The following E2F8 variants were observed in gnomAD, a reference collection of about 807,000 sequenced individuals.
The protein encoded by E2F8 is E2F transcription factor 8.
In E2F8, 35 loss-of-function variants were observed where a neutral mutation model predicts 80.8. The ratio of observed to expected loss-of-function variants is 0.43; its 90% CI spans 0.33 to 0.57. The LOEUF is 0.57. Ranked by LOEUF, E2F8 falls within the 20% of genes least tolerant of loss-of-function variation. The pLI, the probability that E2F8 is intolerant of heterozygous loss-of-function variation, is 0.04. For synonymous variants in E2F8, 386 were observed against 395.0 expected (o/e 0.98, Z 0.27); for missense variants, 975 against 1,056.2 (o/e 0.92, Z 1.07).
intron 11 of E2F8, 52 bp from the exon 12 acceptor site, chr11:19,225,667 A>T: frequency 6.2e-7 from 1 of 1,609,726 alleles, no homozygotes; most frequent in Non-Finnish European, 8.5e-7. Flanking sequence ...TTATCCAAGA[A>T]GTTGACAAGG....
chr11:19,230,112 G>A, intron 9 of E2F8, 124 bp from the exon 10 acceptor site: 1 of 1,485,930 alleles, frequency 6.7e-7, no homozygotes, highest in South Asian at 1.2e-5. Context: ...TGTAATGAGT[G>A]AGTATGAGAT....
At position 19,229,312 on chromosome 11, in the gene E2F8, G is replaced by C; in HGVS notation, c.1893+142C>G. 1 of 1,121,360 alleles carries C rather than the reference G, an allele frequency of 8.9e-7. No individual in the cohort carries two copies. The highest frequency in any genetic ancestry group is 1.6e-5 in the South Asian group (1 of 63,416). The allele number at this position is 1,121,360 out of a possible 1,614,324, so 69.5% of individuals were successfully genotyped here. On this transcript the variant is annotated intron_variant, in intron 10 of 12. Coordinates refer to ENST00000250024, the MANE Select transcript of E2F8 (RefSeq NM_024680.4). This position sits in a 1 kb window ranked among gnomAD's most constrained non-coding sequence, Gnocchi z 4.3. ...CCAGCCAGGGGATTAGCTGTTGAGG[G>C]CCTCACTTGGATTATGGGATGCTAA... is the stretch of plus-strand genomic sequence containing the variant.
chr11:19,226,016 C>T (rs1413696837), intron 10 of E2F8, 152 bp from the exon 11 acceptor site: 8 of 811,380 alleles, frequency 9.9e-6, no homozygotes, highest in Admixed American at 2.5e-5. Context: ...TCACCTGGCT[C>T]CTAGAGGAGA....
In E2F8 at chr11:19,234,304, T is replaced by G. The variant is rs1851457170; in HGVS notation, c.928+56A>C. 1.1e-5 allele frequency: 18 copies of G among 1,586,708 alleles called. No individual in the cohort carries two copies. In the South Asian group the frequency reaches 2.1e-4, roughly 18 times the overall value. On this transcript the variant is annotated intron_variant, in intron 6 of 12. Transcript: ENST00000250024. ...CCTAATTTGGAAATGAGTTTACGAC[T>G]GAGATTTTATTGTTTAAGAATAGGT...
At chr11:19,230,924 C>T (rs1462052696) in intron 7 of E2F8, 90 bp from the exon 8 acceptor site, 13 of 1,219,364 alleles carry the variant, frequency 1.1e-5, no homozygotes, top group Non-Finnish European at 1.4e-5. Context: ...ATAAAAGTGG[C>T]AAGTTACAGA....
At chr11:19,237,726 T>C (rs1377876860) in intron 3 of E2F8, 128 bp downstream of exon 3, 2 of 1,273,752 alleles carry the variant, frequency 1.6e-6, no homozygotes, top group East Asian at 4.7e-5. Flanking sequence ...TTTCTGGTGC[T>C]CCGAAGGAAG....
Position 19,225,361 on chromosome 11 carries a change from C to A in E2F8, c.2281G>T (p.Val761Leu), listed in dbSNP as rs367819993. 6 of 1,614,154 alleles carry A rather than the reference C, an allele frequency of 3.7e-6. No individual in the cohort carries two copies. In the South Asian group the frequency reaches 6.6e-5, roughly 18 times the overall value. ...SASPGSGIVP[V>L]SPRIESVNVA... ...TTAACAGACTCTATTCTTGGAGACA[C>A]AGGAACGATTCCAGACCCAGGGCTG... Residue 761 changes from valine to leucine, a missense_variant, in exon 12 of 13, where the codon GTG (valine) becomes TTG (leucine). Transcript: ENST00000250024.
In E2F8 at chr11:19,229,339, G is replaced by T; in HGVS notation, c.1893+115C>A. The T allele has an allele frequency of 7.1e-7, 1 of 1,404,234 alleles. No individual in the cohort carries two copies. The allele number at this position is 1,404,234 out of a possible 1,614,324, so 87.0% of individuals were successfully genotyped here. A position where few individuals can be genotyped will look rare whatever the true frequency, so the allele number is the denominator to read the frequency against. On this transcript the variant is annotated intron_variant, in intron 10 of 12. Coordinates refer to ENST00000250024, the MANE Select transcript of E2F8 (RefSeq NM_024680.4). The surrounding 1 kb of genome is among the most constrained non-coding windows in gnomAD (Gnocchi z 4.3). The stretch of plus-strand genomic sequence containing the variant: ...CTCACTTGGATTATGGGATGCTAAG[G>T]AACAGTTCCTTGTCTTCTGAGAGAA...
At chr11:19,236,368 C>T (rs1338232701) in intron 4 of E2F8, among the ~76,000 whole-genome samples, 1 of 152,234 alleles carries the variant, frequency 6.6e-6, no homozygotes, top group East Asian at 1.9e-4. Context: ...ATGCATGTTA[C>T]CTTCTAGCAT....
rs75246686 is a variant in E2F8, at chr11:19,231,222, C to T, written c.1067-388G>A. Among the ~76,000 whole-genome samples the T allele has an allele frequency of 5.1e-3, 781 of 152,224 alleles. 12 individuals are homozygous for T. The highest frequency in any genetic ancestry group is 0.018 in the African/African-American group (730 of 41,534). The stretch of plus-strand genomic sequence containing the variant: ...TTCCTCAAGAAATGCAGCCCTGTGT[C>T]GGAGATGAGAGCTCTGACCCACACA... On this transcript the variant is annotated intron_variant, in intron 7 of 12. Transcript: ENST00000250024.
In E2F8 at chr11:19,234,564, G is replaced by C. The variant is rs367665741; in HGVS notation, c.767-43C>G. ...GATTAGAGAATTAAAATTCATAAAGGGACAAGTGACTTCTAAAGTAACAAG... is the reference window on the plus strand; with the variant it reads ...GATTAGAGAATTAAAATTCATAAAGCGACAAGTGACTTCTAAAGTAACAAG... On this transcript the variant is annotated intron_variant, in intron 5 of 12. Coordinates refer to ENST00000250024, the MANE Select transcript of E2F8 (RefSeq NM_024680.4). The C allele has an allele frequency of 3.1e-6, 5 of 1,599,796 alleles. No homozygotes were observed. In the African/African-American group the frequency reaches 5.4e-5, roughly 17 times the overall value.
intron 8 of E2F8, 78 bp downstream of exon 8, chr11:19,230,553 G>A: frequency 2.0e-6 from 3 of 1,479,012 alleles, no homozygotes; most frequent in African/African-American, 1.4e-5. Context: ...GACAACTATT[G>A]CAAGGATCAA....
intron 4 of E2F8, among the ~76,000 whole-genome samples, chr11:19,236,132 C>T (rs1190778247): frequency 6.6e-6 from 1 of 152,162 alleles, no homozygotes; most frequent in East Asian, 1.9e-4. Flanking sequence ...TCCTACCGAC[C>T]TCTTGCTGTC....
rs770128838 is a variant in E2F8, at chr11:19,225,279, G to A, written c.2363C>T (p.Pro788Leu). Reference protein sequence around the residue: ...QQGRATNYDSPVPGQSQPNGQ... With the variant: ...QQGRATNYDSLVPGQSQPNGQ... ...ATTTGGCTGGCTCTGGCCTGGGACT[G>A]GTGAGTCATAGTTGGTGGCCCTTCC... Residue 788 changes from proline (P) to leucine (L), a missense_variant, in exon 12 of 13, where the codon CCA becomes CTA. Pro to Leu is a moderately conservative substitution (Grantham distance 98, BLOSUM62 -3). Transcript: ENST00000250024. 1 of 1,614,126 alleles carries A rather than the reference G, an allele frequency of 6.2e-7. No individual in the cohort carries two copies. Among genetic ancestry groups the A allele is most frequent in the Non-Finnish European group, 8.5e-7 (1 of 1,180,040 alleles).
At chr11:19,230,071 C>G (rs1239208757) in intron 9 of E2F8, 83 bp from the exon 10 acceptor site, 2 of 1,567,290 alleles carry the variant, frequency 1.3e-6, no homozygotes, top group East Asian at 2.2e-5. Flanking sequence ...CATATTGAAG[C>G]CACGCTTTTA....
In E2F8 at chr11:19,237,918, C is replaced by T. The variant is rs1851564305; in HGVS notation, c.230G>A (p.Arg77Lys). 6.2e-7 allele frequency: 1 copy of T among 1,614,054 alleles called. No homozygotes were observed. Among genetic ancestry groups the T allele is most frequent in the Non-Finnish European group, 8.5e-7 (1 of 1,180,030 alleles). The change falls in exon 3 of 13, where the codon AGA becomes AAA. Residue 77 changes from arginine to lysine, a missense_variant. By Grantham distance (26) the Arg-to-Lys change is conservative. Transcript: ENST00000250024. ...GTCAAACAAACCCCTTTTCTGATCT[C>T]TGTTGCGGATCTCAGGGCTCACAGC... ...ISAVSPEIRN[R>K]DQKRGLFDNR... is the part of the protein sequence containing the mutation.
rs1851182352 is a variant in E2F8, at chr11:19,224,722, G to C, written c.2540C>G (p.Thr847Ser). ...TGGGACAAAGAGAGTTCCTAAGGAG[G>C]TTTTATTAGCACCCTCAAAATCCAT... ...SCMDFEGANK[T>S]SLGTLFVPQR... is the part of the protein sequence containing the mutation. The change falls in exon 13 of 13, where the codon ACC (threonine) becomes AGC (serine). Residue 847 changes from threonine to serine, a missense_variant. Thr to Ser is a moderately conservative substitution (Grantham distance 58). Transcript: ENST00000250024. 1.9e-6 allele frequency: 3 copies of C among 1,614,204 alleles called. No homozygotes were observed. The East Asian group carries it at 6.7e-5, about 36-fold the overall frequency.
rs775677981 is a variant in E2F8, at chr11:19,237,863, G to A, written c.285C>T (p.Asp95=). The A allele has an allele frequency of 3.0e-5, 49 of 1,613,482 alleles. No homozygotes were observed. Among genetic ancestry groups the A allele is most frequent in the Non-Finnish European group, 3.8e-5 (45 of 1,179,860 alleles). Residue 95 remains aspartate, a synonymous_variant, in exon 3 of 13, where the codon GAC becomes GAT. Transcript: ENST00000250024. Reference sequence around the variant, plus strand: ...TCCTCTGAAAACCTACGTGTATACAGTCTTTGGCCTCAGGTAATCCACTTC... The same window carrying A: ...TCCTCTGAAAACCTACGTGTATACAATCTTTGGCCTCAGGTAATCCACTTC... ...DNRSGLPEAK[D]CIHEHLSGDE...
chr11:19,225,904 A>C (rs1246925618), intron 10 of E2F8, 40 bp from the exon 11 acceptor site: 1 of 1,591,694 alleles, frequency 6.3e-7, no homozygotes, highest in Non-Finnish European at 8.6e-7. Context: ...ACACACAAAT[A>C]CAGGAAGAAA....
Sources: allele counts gnomAD v4.1 joint callset (sites outside exome capture counted in the v4.1 genomes callset), GRCh38; gene constraint gnomAD v4.1.1; non-coding constraint Gnocchi (gnomAD v3.1); transcripts MANE v1.5; gene names NCBI Gene and HGNC (gene_info 2026-07-23, HGNC 2026-07-21).